Variants in EML6 observed in about 807,000 individuals in gnomAD.
The protein encoded by EML6 is EMAP like 6, also known as echinoderm microtubule-associated protein-like 6.
Under a neutral mutation model 240.1 loss-of-function variants are expected in EML6, and 154 were observed. That is an observed-to-expected ratio of 0.64 (90% CI 0.56 to 0.73). The LOEUF (loss-of-function observed/expected upper bound fraction) is 0.73, where lower values mean the gene tolerates loss of function less well. Among genes scored for constraint, EML6 ranks in the 30% least tolerant of loss-of-function variants. EML6 has a pLI of 0.00. For missense variants in EML6, 2,964 were observed against 2,474.6 expected, an observed-to-expected ratio of 1.20 and a Z score of -4.20; for synonymous variants, 1,148 against 899.0, an observed-to-expected ratio of 1.28 and a Z score of -4.95.
intron 7 of EML6, among the ~76,000 whole-genome samples, chr2:54,841,703 G>A (rs906864408): frequency 5.4e-5 from 8 of 147,984 alleles, no homozygotes; most frequent in South Asian, 2.2e-4. Flanking sequence ...TGCCATTCTC[G>A]TGCCTCAGCC....
At chr2:54,904,693 T>C (rs1028124889) in intron 24 of EML6, among the ~76,000 whole-genome samples, 1 of 152,202 alleles carries the variant, frequency 6.6e-6, no homozygotes, top group African/African-American at 2.4e-5. Context: ...AGCAGAACTT[T>C]CATGCTGAAC....
chr2:54,876,750 C>G (rs1671527201), intron 16 of EML6, among the ~76,000 whole-genome samples: 1 of 152,116 alleles, frequency 6.6e-6, no homozygotes, highest in African/African-American at 2.4e-5. Context: ...TAGAATGTGA[C>G]ATTTCAGTAC....
At chr2:54,954,604 ATT>A (rs59560622) in intron 32 of EML6, among the ~76,000 whole-genome samples, 24 of 151,140 alleles carry the variant, frequency 1.6e-4, no homozygotes, top group African/African-American at 2.2e-4. Context: ...AAACATTTAA[ATT>A]TTTTTTTTAA....
At chr2:54,806,986 G>T (rs915075056) in intron 2 of EML6, among the ~76,000 whole-genome samples, 1 of 152,084 alleles carries the variant, frequency 6.6e-6, no homozygotes, top group Non-Finnish European at 1.5e-5. Context: ...CTATGCATAC[G>T]CATTAATAAA....
At chr2:54,958,627 A>G (rs1676347900) in intron 33 of EML6, among the ~76,000 whole-genome samples, 1 of 152,118 alleles carries the variant, frequency 6.6e-6, no homozygotes, top group Non-Finnish European at 1.5e-5. Flanking sequence ...GTAGATAATG[A>G]TCCTTTTTCT....
At chr2:54,797,185 A>C (rs1014776755) in intron 2 of EML6, among the ~76,000 whole-genome samples, 6 of 149,062 alleles carry the variant, frequency 4.0e-5, no homozygotes, top group East Asian at 2.0e-4. Context: ...AAAAAAAAAA[A>C]AAAACTGTGA....
intron 12 of EML6, among the ~76,000 whole-genome samples, chr2:54,863,347 G>T (rs574932680): frequency 6.6e-6 from 1 of 152,180 alleles, no homozygotes. Flanking sequence ...GTGAAACCCT[G>T]TCCCTACAAA....
chr2:54,970,043 A>G, intron 41 of EML6, 28 bp from the exon 42 acceptor site: 1 of 1,551,600 alleles, frequency 6.4e-7, no homozygotes. Flanking sequence ...CCAGCTATGC[A>G]AAATGACTGT....
chr2:54,872,897 G>A (rs1671328413), intron 16 of EML6, among the ~76,000 whole-genome samples: 1 of 152,064 alleles, frequency 6.6e-6, no homozygotes, highest in African/African-American at 2.4e-5. Flanking sequence ...TTGCTCTTAT[G>A]GCACCCATTG....
chr2:54,903,644 CA>C (rs1673172691), intron 24 of EML6, 142 bp downstream of exon 24: 2 of 730,086 alleles, frequency 2.7e-6, no homozygotes, highest in Admixed American at 6.2e-5. Flanking sequence ...TGTAATTTTA[CA>C]ACCCAGAGGC....
Position 54,829,408 on chromosome 2 carries a change from C to T in EML6, c.778C>T (p.Arg260Ter), listed in dbSNP as rs1351674356. The T allele has an allele frequency of 6.4e-6, 10 of 1,551,396 alleles. No homozygotes were observed. The highest frequency in any genetic ancestry group is 7.8e-6 in the Non-Finnish European group (9 of 1,146,562). Residue 260 changes from arginine (R) to a stop codon, truncating the protein, a stop_gained, in exon 7 of 42, where the codon CGA becomes TGA. Transcript: ENST00000356458. LOFTEE classifies it high-confidence loss of function. ...FATGGRDGCI[R>*]LWDTDFKPIT... Reference sequence around the variant, plus strand: ...CACTGGTGGGCGAGATGGGTGTATACGACTGTGGGACACTGATTTCAAACC... The same window carrying T: ...CACTGGTGGGCGAGATGGGTGTATATGACTGTGGGACACTGATTTCAAACC...
chr2:54,844,105 C>T lies in EML6; in HGVS notation c.906C>T (p.Asp302=). Residue 302 remains aspartate (D), a synonymous_variant, in exon 8 of 42, where the codon GAC becomes GAT. Coordinates refer to ENST00000356458, the MANE Select transcript of EML6 (RefSeq NM_001039753.4). ...ACCGCCTTCTAGCAGGGACCCAGGACAGTGAGATATTTGAAGTGATTGTGC... is the reference window on the plus strand; with the variant it reads ...ACCGCCTTCTAGCAGGGACCCAGGATAGTGAGATATTTGAAGTGATTGTGC... ...KADRLLAGTQ[D]SEIFEVIVRE... is the part of the protein sequence containing the mutation. 2 of 1,551,460 alleles carry T rather than the reference C, an allele frequency of 1.3e-6. No individual in the cohort carries two copies. The highest frequency in any genetic ancestry group is 4.9e-5 in the East Asian group (2 of 40,894).
Position 54,959,132 on chromosome 2 carries a change from A to G in EML6, c.4724A>G (p.Asn1575Ser), listed in dbSNP as rs191495021. The G allele has an allele frequency of 4.1e-5, 63 of 1,551,494 alleles. No individual in the cohort carries two copies. The African/African-American group carries it at 5.5e-4, about 13-fold the overall frequency. Residue 1575 changes from asparagine (N) to serine (S), a missense_variant, in exon 34 of 42, where the codon AAT becomes AGT. By Grantham distance (46) the Asn-to-Ser change is conservative (BLOSUM62 1). Coordinates refer to ENST00000356458, the MANE Select transcript of EML6 (RefSeq NM_001039753.4). Reference sequence around the variant, plus strand: ...AATCTCACTTTCACGGGTGCCATCAATGGAGATGTCTACGTCTGGAAGGAC... The same window carrying G: ...AATCTCACTTTCACGGGTGCCATCAGTGGAGATGTCTACGTCTGGAAGGAC... ...ANNLTFTGAI[N>S]GDVYVWKDHF...
intron 2 of EML6, among the ~76,000 whole-genome samples, chr2:54,767,597 A>AGTGTGTGTGTGTGTGTGTGTGTGTGT (rs111232633): frequency 6.9e-6 from 1 of 145,514 alleles, no homozygotes; most frequent in African/African-American, 2.6e-5. Context: ...TGGTATGAAG[A>AGTGTGTGTGTGTGTGTGTGTGTGTGT]GTGTGTGTGT....
chr2:54,734,215 G>A (rs1683292837), intron 2 of EML6, among the ~76,000 whole-genome samples: 1 of 152,170 alleles, frequency 6.6e-6, no homozygotes, highest in Admixed American at 6.5e-5. Flanking sequence ...GCGGGTGCCT[G>A]TAATCCCAGC....
chr2:54,929,698 TCCTC>T (rs1558697374), intron 28 of EML6, among the ~76,000 whole-genome samples: 3 of 67,944 alleles, frequency 4.4e-5, no homozygotes, highest in Non-Finnish European at 1.1e-4. Flanking sequence ...TGTAACCTCC[TCCTC>T]CTCCTCCTCC....
chr2:54,825,468 G>T (rs1427059131), intron 5 of EML6, among the ~76,000 whole-genome samples: 1 of 152,060 alleles, frequency 6.6e-6, no homozygotes, highest in African/African-American at 2.4e-5. Context: ...TTGCCATGTT[G>T]CCCAGGATGG....
chr2:54,967,093 T>A lies in EML6; in HGVS notation c.5587T>A (p.Ser1863Thr). The A allele has an allele frequency of 6.5e-7, 1 of 1,549,492 alleles. No individual in the cohort carries two copies. Among genetic ancestry groups the A allele is most frequent in the Non-Finnish European group, 8.7e-7 (1 of 1,145,094 alleles). Residue 1863 changes from serine (S) to threonine (T), a missense_variant, in exon 39 of 42, where the codon TCC (serine) becomes ACC (threonine). Physicochemically the swap from Ser to Thr is moderately conservative, Grantham distance 58. Transcript: ENST00000356458. ...GGTCATTGAGAAGATCACCTGGGCCTCCTGGACAAGGTGACTGACTGGAAG... is the reference window on the plus strand; with the variant it reads ...GGTCATTGAGAAGATCACCTGGGCCACCTGGACAAGGTGACTGACTGGAAG... ...AVVIEKITWA[S>T]WTSVLGDEVI...
intron 2 of EML6, among the ~76,000 whole-genome samples, chr2:54,766,039 T>A (rs1418236930): frequency 6.6e-6 from 1 of 152,134 alleles, no homozygotes; most frequent in East Asian, 1.9e-4. Flanking sequence ...TCTCACACTT[T>A]CCTTCCTCTC....
Sources: allele counts gnomAD v4.1 joint callset (sites outside exome capture counted in the v4.1 genomes callset), GRCh38; gene constraint gnomAD v4.1.1; transcripts MANE v1.5; gene names NCBI Gene and HGNC (gene_info 2026-07-23, HGNC 2026-07-21).